The following WDR47 variants were observed in gnomAD, a reference collection of about 807,000 sequenced individuals.
WDR47 encodes WD repeat-containing protein 47.
In WDR47, 32 loss-of-function variants were observed where a neutral mutation model predicts 97.2. The ratio of observed to expected loss-of-function variants is 0.33; its 90% CI spans 0.25 to 0.44. The LOEUF is 0.44. Ranked by LOEUF, WDR47 falls within the 20% of genes least tolerant of loss-of-function variation. The pLI is 1.00. For missense variants in WDR47, 782 were observed against 1,102.3 expected (o/e 0.71, Z 4.11); for synonymous variants, 375 against 373.5 (o/e 1.00, Z -0.05).
chr1:109,040,807 A>G (rs1368152221), intron 1 of WDR47, among the ~76,000 whole-genome samples: 4 of 152,186 alleles, frequency 2.6e-5, no homozygotes, highest in Admixed American at 6.5e-5. Context: ...AACACTGGAG[A>G]CAAAAAAATT....
At chr1:109,019,863 T>C (rs1395805492) in intron 2 of WDR47, among the ~76,000 whole-genome samples, 1 of 152,220 alleles carries the variant, frequency 6.6e-6, no homozygotes, top group East Asian at 1.9e-4. Flanking sequence ...TCCCTATTTT[T>C]GAATGTTTTA....
intron 10 of WDR47, among the ~76,000 whole-genome samples, chr1:108,984,977 G>A (rs968620637): frequency 8.6e-5 from 13 of 152,032 alleles, no homozygotes; most frequent in Non-Finnish European, 1.2e-4. Context: ...AAGTCCCACC[G>A]ATTCCTTCCT....
At chr1:109,032,451 T>C (rs1447784826) in intron 1 of WDR47, among the ~76,000 whole-genome samples, 2 of 98,936 alleles carry the variant, frequency 2.0e-5, no homozygotes, top group Non-Finnish European at 4.5e-5. Context: ...GAGCTTGCAG[T>C]GAGCTGAGAT....
intron 13 of WDR47, among the ~76,000 whole-genome samples, chr1:108,976,396 T>C (rs1289055059): frequency 6.8e-6 from 1 of 147,256 alleles, no homozygotes; most frequent in East Asian, 2.0e-4. Context: ...GTAAGGAAGG[T>C]GGGAAGAATA....
intron 7 of WDR47, among the ~76,000 whole-genome samples, chr1:108,996,860 G>GT (rs1393497442): frequency 1.3e-5 from 2 of 152,172 alleles, no homozygotes; most frequent in Admixed American, 6.6e-5. Flanking sequence ...ACTCATACCT[G>GT]TAATCCCAGC....
At chr1:109,033,615 C>T (rs1489721884) in intron 1 of WDR47, among the ~76,000 whole-genome samples, 2 of 152,186 alleles carry the variant, frequency 1.3e-5, no homozygotes, top group African/African-American at 4.8e-5. Flanking sequence ...CCTTCATATA[C>T]TGTTGTTAAG....
chr1:108,980,176 A>T (rs1658235836), intron 13 of WDR47, among the ~76,000 whole-genome samples: 5 of 151,670 alleles, frequency 3.3e-5, no homozygotes, highest in Admixed American at 3.3e-4. Context: ...GGTGGGTGCC[A>T]AAAAGGTTGC....
intron 14 of WDR47, among the ~76,000 whole-genome samples, chr1:108,972,921 G>A (rs913953223): frequency 2.0e-5 from 3 of 150,662 alleles, no homozygotes; most frequent in Admixed American, 6.6e-5. Context: ...GCTCCAGCCT[G>A]GGCGACAGAG....
intron 1 of WDR47, among the ~76,000 whole-genome samples, chr1:109,035,238 C>T (rs1455100697): frequency 1.2e-4 from 18 of 145,998 alleles, no homozygotes; most frequent in Non-Finnish European, 1.6e-4. Flanking sequence ...AGAGTAAGAC[C>T]CTGTCTCAGA....
In WDR47 at chr1:109,025,234, G is replaced by A. The variant is rs914785003; in HGVS notation, c.-9-1713C>T. On this transcript the variant is annotated intron_variant, in intron 1 of 14. Transcript: ENST00000369962. ...GGGAGGATCACATGAGCCCAGGAGT[G>A]CGAGACAAGCCTGGGCAACATGGCG... Among the ~76,000 whole-genome samples the A allele has an allele frequency of 3.3e-5, 5 of 151,916 alleles. No homozygotes were observed. The East Asian group carries it at 7.7e-4, about 23-fold the overall frequency.
At chr1:109,006,674 T>C (rs1024763989) in intron 5 of WDR47, among the ~76,000 whole-genome samples, 13 of 152,186 alleles carry the variant, frequency 8.5e-5, no homozygotes, top group African/African-American at 2.4e-4. Context: ...GTCATTTTCC[T>C]AAGATTGCAT....
rs1289211589 is a variant in WDR47, at chr1:109,035,267, C to A, written c.-10+6595G>T. On this transcript the variant is annotated intron_variant, in intron 1 of 14. Transcript: ENST00000369962. ...TCTCAGAAAAAAAAAAAAAAAAAAA[C>A]CCCACACACACAAGGTCTGGAATGT... is the stretch of plus-strand genomic sequence containing the variant. Among the ~76,000 whole-genome samples the A allele has an allele frequency of 1.5e-3, 207 of 138,912 alleles. 1 individual carries two copies. The highest frequency in any genetic ancestry group is 3.6e-3 in the Admixed American group (49 of 13,798). The allele number at this position is 138,912 out of a possible 152,430, so 91.1% of individuals were successfully genotyped here. A position where few individuals can be genotyped will look rare whatever the true frequency, so the allele number is the denominator to read the frequency against.
At chr1:108,986,776 C>G in intron 9 of WDR47, 96 bp from the exon 10 acceptor site, 2 of 1,076,124 alleles carry the variant, frequency 1.9e-6, no homozygotes, top group Non-Finnish European at 2.6e-6. Flanking sequence ...CTTTATTATT[C>G]TTGTTGGATC....
Position 108,971,556 on chromosome 1 carries a change from C to G in WDR47, c.2634G>C (p.Gln878His). ...GCTCCCCCACCACCATGATAGGAAG[C>G]TGCTTGGTGAGGTCCCCTAAATTAC... ...VTDLQGDLTKQLPIMVVGEHK... is the reference protein window; with the variant it reads ...VTDLQGDLTKHLPIMVVGEHK... Residue 878 changes from glutamine to histidine, a missense_variant, in exon 15 of 15, where the codon CAG becomes CAC. Gln to His is a conservative substitution (Grantham distance 24). Coordinates refer to ENST00000369962, the MANE Select transcript of WDR47 (RefSeq NM_001142551.2). 1 of 1,614,122 alleles carries G rather than the reference C, an allele frequency of 6.2e-7. No homozygotes were observed. The highest frequency in any genetic ancestry group is 8.5e-7 in the Non-Finnish European group (1 of 1,180,018).
chr1:109,035,161 G>A (rs13303114), intron 1 of WDR47, among the ~76,000 whole-genome samples: 34,379 of 147,918 alleles, frequency 0.23, 4,130 homozygotes, highest in Admixed American at 0.3. Flanking sequence ...TGGGAGAATT[G>A]TTTGAGTCTG....
chr1:109,014,240 AT>A (rs1432373983), intron 3 of WDR47, among the ~76,000 whole-genome samples: 5 of 152,150 alleles, frequency 3.3e-5, no homozygotes, highest in Non-Finnish European at 7.3e-5. Flanking sequence ...TATTAAAAAA[AT>A]TTTAACAAAT....
Position 108,974,541 on chromosome 1 carries a change from AG to A in WDR47, c.2611del (p.Leu871TyrfsTer21). The A allele has an allele frequency of 6.2e-7, 1 of 1,613,690 alleles. No individual in the cohort carries two copies. Among genetic ancestry groups the A allele is most frequent in the Non-Finnish European group, 8.5e-7 (1 of 1,179,688 alleles). ...GAGAAGTCGATCTCAATCACCTTGT[AG>A]GTCTGTCACCTTTATTTTCATATCA... ...SYDMKIKVTD[L>X]QGDLTKQLPI... On this transcript the variant is annotated frameshift_variant, in exon 14 of 15. Transcript: ENST00000369962. LOFTEE classifies it high-confidence loss of function.
rs577685537 is a variant in WDR47, at chr1:108,986,668, T to C, written c.1780A>G (p.Lys594Glu). The change falls in exon 10 of 15, where the codon AAA (lysine) becomes GAA (glutamate). Residue 594 changes from lysine to glutamate, a missense_variant. By Grantham distance (56) the Lys-to-Glu change is moderately conservative (BLOSUM62 1). Coordinates refer to ENST00000369962, the MANE Select transcript of WDR47 (RefSeq NM_001142551.2). The part of the protein sequence containing the change: ...RSKGEEDDKS[K>E]KQFVCINILE... Reference sequence around the variant, plus strand: ...ATATTAATACAAACAAACTGCTTTTTTGATTTGTCATCCTATGGAAAGAAT... The same window carrying C: ...ATATTAATACAAACAAACTGCTTTTCTGATTTGTCATCCTATGGAAAGAAT... The C allele has an allele frequency of 1.2e-6, 2 of 1,602,346 alleles. No homozygotes were observed. Among genetic ancestry groups the C allele is most frequent in the Non-Finnish European group, 1.7e-6 (2 of 1,176,142 alleles).
At chr1:108,989,976 T>A (rs1659191518) in intron 9 of WDR47, among the ~76,000 whole-genome samples, 1 of 152,050 alleles carries the variant, frequency 6.6e-6, no homozygotes, top group Admixed American at 6.6e-5. Flanking sequence ...ATTACAGGAG[T>A]GAGCCACTGC....
Sources: gnomAD v4.1 joint callset for allele counts (sites outside exome capture counted in the v4.1 genomes callset) on GRCh38, gnomAD v4.1.1 for gene constraint, MANE v1.5 for transcripts, NCBI Gene and HGNC (gene_info 2026-07-23, HGNC 2026-07-21) for gene names.